Variants in RIPOR3 observed in about 807,000 individuals in gnomAD.
RIPOR3 encodes RIPOR family member 3.
Under a neutral mutation model 114.3 loss-of-function variants are expected in RIPOR3, and 95 were observed. The ratio of observed to expected loss-of-function variants is 0.83; its 90% CI spans 0.70 to 0.99. The LOEUF is 0.99. RIPOR3 is among the 50% of genes least tolerant of loss of function. The probability of loss-of-function intolerance (pLI) is 0.00; values close to 1 mark genes in which losing one functional copy is unlikely to be tolerated. For missense variants in RIPOR3, 1,252 were observed against 1,266.9 expected (o/e 0.99, Z 0.18); for synonymous variants, 575 against 543.8 (o/e 1.06, Z -0.80).
intron 1 of RIPOR3, among the ~76,000 whole-genome samples, chr20:50,663,569 T>G (rs1407472187): frequency 6.6e-6 from 1 of 152,108 alleles, no homozygotes; most frequent in African/African-American, 2.4e-5. Context: ...CAAGGTCAGC[T>G]CCCTAAAATG....
chr20:50,609,757 C>T (rs1234216623), intron 6 of RIPOR3, 35 bp from the exon 7 acceptor site: 13 of 1,356,032 alleles, frequency 9.6e-6, no homozygotes, highest in East Asian at 3.0e-5. Context: ...GCGCTGCCCA[C>T]GCGGAGGGGC....
chr20:50,606,121 G>A (rs1006412843), intron 11 of RIPOR3, among the ~76,000 whole-genome samples: 2 of 152,184 alleles, frequency 1.3e-5, no homozygotes, highest in South Asian at 2.1e-4. Context: ...CTGGGGAATC[G>A]CTTAAATCTG....
At chr20:50,645,037 T>C (rs886912420) in intron 1 of RIPOR3, among the ~76,000 whole-genome samples, 5 of 152,076 alleles carry the variant, frequency 3.3e-5, no homozygotes, top group African/African-American at 1.2e-4. Flanking sequence ...AGACAGGGTT[T>C]CATCATGTTG....
intron 1 of RIPOR3, among the ~76,000 whole-genome samples, chr20:50,665,498 G>A (rs943390561): frequency 2.8e-5 from 4 of 141,338 alleles, no homozygotes; most frequent in South Asian, 2.4e-4. Context: ...TCGGCTCTCC[G>A]CAACCTCCGC....
chr20:50,683,817 C>T (rs1339144596), intron 1 of RIPOR3, among the ~76,000 whole-genome samples: 1 of 151,928 alleles, frequency 6.6e-6, no homozygotes, highest in East Asian at 2.0e-4. Context: ...CAGTGTCTCA[C>T]ACCTCTAATC....
chr20:50,688,537 C>T (rs914605219), intron 1 of RIPOR3, among the ~76,000 whole-genome samples: 7 of 152,146 alleles, frequency 4.6e-5, no homozygotes, highest in South Asian at 2.1e-4. Context: ...TTTAGCAACC[C>T]GTTCACCTAA....
chr20:50,588,802 C>A (rs1395620629), intron 20 of RIPOR3, among the ~76,000 whole-genome samples: 1 of 150,606 alleles, frequency 6.6e-6, no homozygotes, highest in South Asian at 2.1e-4. Flanking sequence ...AATTCTAGGC[C>A]GGGCGCGGTG....
At chr20:50,624,225 A>T (rs902705197) in intron 2 of RIPOR3, among the ~76,000 whole-genome samples, 13 of 151,924 alleles carry the variant, frequency 8.6e-5, no homozygotes, top group Non-Finnish European at 1.6e-4. Context: ...AGGCCCCATC[A>T]CCCACCTCTT....
chr20:50,632,405 G>A (rs1001446153), intron 1 of RIPOR3, among the ~76,000 whole-genome samples: 5 of 152,198 alleles, frequency 3.3e-5, no homozygotes, highest in Admixed American at 1.3e-4. Context: ...GGCTGTCTCT[G>A]TGCAATTGGC....
chr20:50,677,020 A>G (rs2086698486), intron 1 of RIPOR3, among the ~76,000 whole-genome samples: 1 of 152,164 alleles, frequency 6.6e-6, no homozygotes, highest in Non-Finnish European at 1.5e-5. Flanking sequence ...ATAACTAATA[A>G]TATCAACAAT....
intron 17 of RIPOR3, among the ~76,000 whole-genome samples, chr20:50,594,255 G>A (rs1170834673): frequency 6.4e-5 from 9 of 140,968 alleles, no homozygotes; most frequent in Non-Finnish European, 9.0e-5. Flanking sequence ...TAGCCTGGGC[G>A]ACAGAGTGAG....
chr20:50,637,883 AT>A (rs1042789084), intron 1 of RIPOR3, among the ~76,000 whole-genome samples: 6 of 151,958 alleles, frequency 3.9e-5, no homozygotes, highest in Middle Eastern at 3.4e-3. Flanking sequence ...TCAAAAAAAA[AT>A]TTTTTTAAAT....
At chr20:50,598,822 T>C (rs1296031982) in intron 13 of RIPOR3, among the ~76,000 whole-genome samples, 1 of 151,260 alleles carries the variant, frequency 6.6e-6, no homozygotes, top group African/African-American at 2.4e-5. Context: ...GGAGAATTGC[T>C]TGACCCGGGG....
intron 2 of RIPOR3, among the ~76,000 whole-genome samples, chr20:50,624,852 C>A (rs1341330654): frequency 6.6e-6 from 1 of 152,220 alleles, no homozygotes; most frequent in African/African-American, 2.4e-5. Context: ...AGTGCAGGCT[C>A]TGGAGGCAGA....
At chr20:50,648,371 C>G (rs12480073) in intron 1 of RIPOR3, among the ~76,000 whole-genome samples, 21,935 of 151,256 alleles carry the variant, frequency 0.15, 1,683 homozygotes, top group East Asian at 0.2. Flanking sequence ...TGGCTTCAAA[C>G]AAGGGAAACT....
intron 1 of RIPOR3, among the ~76,000 whole-genome samples, chr20:50,663,568 C>A (rs2086078497): frequency 6.6e-6 from 1 of 152,182 alleles, no homozygotes; most frequent in African/African-American, 2.4e-5. Context: ...CCAAGGTCAG[C>A]TCCCTAAAAT....
At chr20:50,656,017 T>C (rs1206185597) in intron 1 of RIPOR3, among the ~76,000 whole-genome samples, 1 of 151,418 alleles carries the variant, frequency 6.6e-6, no homozygotes, top group Admixed American at 6.6e-5. Context: ...TCTTTTTTTC[T>C]TTTTTTTTGA....
intron 1 of RIPOR3, among the ~76,000 whole-genome samples, chr20:50,638,375 C>T (rs189424171): frequency 1.4e-4 from 22 of 152,334 alleles, no homozygotes; most frequent in Non-Finnish European, 2.6e-4. Context: ...CCAGGGAGGC[C>T]GCTTCCCTCT....
At chr20:50,666,192 CTTT>C (rs1317774578) in intron 1 of RIPOR3, among the ~76,000 whole-genome samples, 2 of 26,710 alleles carry the variant, frequency 7.5e-5, no homozygotes, top group Admixed American at 6.6e-4. Flanking sequence ...CATTTCTTTT[CTTT>C]TCTTTTCTTT....
Sources: gnomAD v4.1 joint callset for allele counts (sites outside exome capture counted in the v4.1 genomes callset) on GRCh38, gnomAD v4.1.1 for gene constraint, MANE v1.5 for transcripts, NCBI Gene and HGNC (gene_info 2026-07-23, HGNC 2026-07-21) for gene names.